Variants in BANK1 observed in about 807,000 individuals in gnomAD.
The protein encoded by BANK1 is B cell scaffold protein with ankyrin repeats 1.
BANK1 carries 95 observed loss-of-function variants against 94.5 expected under a neutral mutation model. That is an observed-to-expected ratio of 1.00 (90% confidence interval 0.85 to 1.19). The LOEUF is 1.19. Ranked by LOEUF, BANK1 falls within the 50% of genes most tolerant of loss-of-function variation. The pLI, the probability that BANK1 is intolerant of heterozygous loss-of-function variation, is 0.00. For missense variants in BANK1, 987 were observed against 932.2 expected, an observed-to-expected ratio of 1.06 and a Z score of -0.77; for synonymous variants, 334 against 308.4, an observed-to-expected ratio of 1.08 and a Z score of -0.87.
chr4:101,982,940 A>G (rs1446538202), intron 7 of BANK1, among the ~76,000 whole-genome samples: 1 of 152,044 alleles, frequency 6.6e-6, no homozygotes, highest in Non-Finnish European at 1.5e-5. Flanking sequence ...TAAATTCCCT[A>G]AAATTTAATC....
chr4:102,059,791 TAGAA>T (rs1216908754), intron 11 of BANK1, among the ~76,000 whole-genome samples: 1 of 152,234 alleles, frequency 6.6e-6, no homozygotes, highest in East Asian at 1.9e-4. Context: ...TTCCCAAAGA[TAGAA>T]AGACTGTTTA....
chr4:101,844,250 G>A (rs1236051764), intron 2 of BANK1, among the ~76,000 whole-genome samples: 1 of 152,212 alleles, frequency 6.6e-6, no homozygotes, highest in Non-Finnish European at 1.5e-5. Context: ...TGCCAAGTGG[G>A]AGATAGGAAG....
chr4:101,949,737 A>G (rs1724066366), intron 7 of BANK1, among the ~76,000 whole-genome samples: 8 of 152,156 alleles, frequency 5.3e-5, no homozygotes, highest in Admixed American at 5.2e-4. Flanking sequence ...CAAGATCAAC[A>G]TGTTAGATTT....
intron 7 of BANK1, among the ~76,000 whole-genome samples, chr4:101,924,362 C>A (rs1456173515): frequency 6.6e-6 from 1 of 151,730 alleles, no homozygotes; most frequent in Admixed American, 6.6e-5. Context: ...GTCACAGCCG[C>A]TGTTTTCTCA....
intron 7 of BANK1, among the ~76,000 whole-genome samples, chr4:101,994,314 G>T (rs890694772): frequency 2.6e-5 from 4 of 152,162 alleles, no homozygotes; most frequent in Non-Finnish European, 5.9e-5. Context: ...AATGCTTATT[G>T]TATTCACAGA....
intron 1 of BANK1, among the ~76,000 whole-genome samples, chr4:101,820,969 A>G (rs1206765211): frequency 6.6e-6 from 1 of 152,070 alleles, no homozygotes; most frequent in Non-Finnish European, 1.5e-5. Flanking sequence ...AATGATTTAT[A>G]TTCCTCTGGG....
chr4:102,058,375 G>A (rs1728306193), intron 11 of BANK1, among the ~76,000 whole-genome samples: 2 of 152,028 alleles, frequency 1.3e-5, no homozygotes, highest in Non-Finnish European at 2.9e-5. Context: ...AAAGACAAGA[G>A]TCTACCATAC....
chr4:101,949,653 A>AATT (rs2148913822), intron 7 of BANK1, among the ~76,000 whole-genome samples: 1 of 152,306 alleles, frequency 6.6e-6, no homozygotes, highest in South Asian at 2.1e-4. Context: ...CAGAGAACAG[A>AATT]ATTATCCCTT....
At chr4:101,912,684 G>A (rs1205665153) in intron 6 of BANK1, among the ~76,000 whole-genome samples, 1 of 149,470 alleles carries the variant, frequency 6.7e-6, no homozygotes, top group Non-Finnish European at 1.5e-5. Context: ...AAATATGCAG[G>A]GCAGGTTGGC....
intron 3 of BANK1, among the ~76,000 whole-genome samples, chr4:101,855,551 AAAATT>A (rs1424174568): frequency 2.6e-5 from 4 of 152,212 alleles, no homozygotes; most frequent in Admixed American, 6.5e-5. Context: ...TAATTGTTGA[AAAATT>A]AAATAGTGAA....
At chr4:101,882,952 T>A (rs1057182199) in intron 5 of BANK1, among the ~76,000 whole-genome samples, 2 of 152,240 alleles carry the variant, frequency 1.3e-5, no homozygotes, top group Non-Finnish European at 2.9e-5. Flanking sequence ...TTGTTCCATA[T>A]TCCTGATGGA....
chr4:101,838,580 A>G (rs1214628814), intron 2 of BANK1, among the ~76,000 whole-genome samples: 2 of 152,208 alleles, frequency 1.3e-5, no homozygotes, highest in Non-Finnish European at 2.9e-5. Flanking sequence ...AAAGGGCAGA[A>G]ACTATGTACA....
intron 5 of BANK1, among the ~76,000 whole-genome samples, chr4:101,883,266 A>G (rs1261550667): frequency 6.6e-6 from 1 of 152,226 alleles, no homozygotes; most frequent in Admixed American, 6.5e-5. Context: ...ACACTTATGC[A>G]TTTATTAAAA....
At chr4:102,028,799 T>C (rs1418432155) in intron 9 of BANK1, among the ~76,000 whole-genome samples, 1 of 152,196 alleles carries the variant, frequency 6.6e-6, no homozygotes, top group Non-Finnish European at 1.5e-5. Context: ...CTCTGAAACC[T>C]ATAATTTTAT....
At chr4:101,983,401 G>A (rs1725383108) in intron 7 of BANK1, among the ~76,000 whole-genome samples, 1 of 151,984 alleles carries the variant, frequency 6.6e-6, no homozygotes. Context: ...TAGCTGTTGT[G>A]ACTTTAAGCA....
chr4:102,040,150 G>C (rs1443498155), intron 10 of BANK1, among the ~76,000 whole-genome samples: 2 of 152,050 alleles, frequency 1.3e-5, no homozygotes, highest in South Asian at 4.1e-4. Flanking sequence ...CGCAGATGCA[G>C]CCTGGAAAGA....
chr4:102,056,345 A>G (rs1728226957), intron 11 of BANK1, among the ~76,000 whole-genome samples: 1 of 152,312 alleles, frequency 6.6e-6, no homozygotes, highest in South Asian at 2.1e-4. Flanking sequence ...CCAACAACAT[A>G]TAATTGTGGA....
chr4:102,011,707 C>T (rs1235454612), intron 7 of BANK1, among the ~76,000 whole-genome samples: 3 of 152,048 alleles, frequency 2.0e-5, no homozygotes, highest in African/African-American at 7.2e-5. Context: ...GTTTCTTCTA[C>T]CAGAAAAGTT....
intron 2 of BANK1, among the ~76,000 whole-genome samples, chr4:101,830,774 G>A (rs1332646399): frequency 1.3e-5 from 2 of 152,174 alleles, no homozygotes; most frequent in East Asian, 3.9e-4. Flanking sequence ...AGGTGTGAAA[G>A]GGGTGCTGTG....
Sources: gnomAD v4.1 joint callset for allele counts (sites outside exome capture counted in the v4.1 genomes callset) on GRCh38, gnomAD v4.1.1 for gene constraint, MANE v1.5 for transcripts, NCBI Gene and HGNC (gene_info 2026-07-23, HGNC 2026-07-21) for gene names.